Variants in PLEKHA7 observed in about 807,000 individuals in gnomAD.
The protein encoded by PLEKHA7 is pleckstrin homology domain-containing family A member 7.
Under a neutral mutation model 170.0 loss-of-function variants are expected in PLEKHA7, and 104 were observed. The observed-to-expected ratio is 0.61, with a 90% confidence interval of 0.52 to 0.72. The LOEUF is 0.72. PLEKHA7 is among the 30% of genes least tolerant of loss of function. The pLI is 0.00. For synonymous variants in PLEKHA7, 648 were observed against 660.8 expected (o/e 0.98, Z 0.30); for missense variants, 1,615 against 1,671.7 (o/e 0.97, Z 0.59).
At chr11:16,977,262 C>T (rs372795766) in intron 3 of PLEKHA7, among the ~76,000 whole-genome samples, 3 of 152,268 alleles carry the variant, frequency 2.0e-5, no homozygotes, top group South Asian at 2.1e-4. Context: ...CTCCTGGATC[C>T]AGTGCCCAAG....
At chr11:16,905,090 A>G (rs1419796429) in intron 3 of PLEKHA7, among the ~76,000 whole-genome samples, 1 of 152,096 alleles carries the variant, frequency 6.6e-6, no homozygotes, top group East Asian at 1.9e-4. Context: ...CATCTGTACC[A>G]AAAATACAAA....
At chr11:17,002,820 C>A (rs1345748673) in intron 3 of PLEKHA7, among the ~76,000 whole-genome samples, 1 of 151,766 alleles carries the variant, frequency 6.6e-6, no homozygotes, top group Non-Finnish European at 1.5e-5. Context: ...CCAGGGGCCA[C>A]TCCTAACTCA....
At chr11:16,959,367 T>G (rs980060691) in intron 3 of PLEKHA7, among the ~76,000 whole-genome samples, 10 of 152,160 alleles carry the variant, frequency 6.6e-5, no homozygotes, top group African/African-American at 2.4e-4. Context: ...TAAAAAAACA[T>G]GACAACTGGA....
At position 16,817,451 on chromosome 11, in the gene PLEKHA7, C is replaced by G. The variant is rs747748217; in HGVS notation, c.1344-129G>C. The G allele has an allele frequency of 9.9e-6, 9 of 904,532 alleles. No individual in the cohort carries two copies. The highest frequency in any genetic ancestry group is 1.7e-5 in the African/African-American group (1 of 60,080). The allele number at this position is 904,532 out of a possible 1,614,324, so 56.0% of individuals were successfully genotyped here. A position where few individuals can be genotyped will look rare whatever the true frequency, so the allele number is the denominator to read the frequency against. On this transcript the variant is annotated intron_variant, in intron 10 of 26. Coordinates refer to ENST00000531066, the MANE Select transcript of PLEKHA7 (RefSeq NM_001329630.2). The surrounding 1 kb of genome is among the most constrained non-coding windows in gnomAD (Gnocchi z 4.4). ...CCTGTAAGAACCTCAAAAGAATGAT[C>G]AAGGCCGACATCCAGGACTTCAGTC...
Position 16,855,916 on chromosome 11 carries a change from T to C in PLEKHA7, c.306-2A>G, listed in dbSNP as rs745880438. The stretch of plus-strand genomic sequence containing the variant: ...TGCTTCGACATATGTGGATTCGGCC[T>C]GTGAGGAGACAGGGGATTCCAGTGA... On this transcript the variant is annotated splice_acceptor_variant, in intron 4 of 26. Coordinates refer to ENST00000531066, the MANE Select transcript of PLEKHA7 (RefSeq NM_001329630.2). LOFTEE classifies it high-confidence loss of function. 1.2e-6 allele frequency: 2 copies of C among 1,610,482 alleles called. No individual in the cohort carries two copies. The highest frequency in any genetic ancestry group is 2.2e-5 in the East Asian group (1 of 44,864).
intron 3 of PLEKHA7, among the ~76,000 whole-genome samples, chr11:16,968,541 A>C (rs540334200): frequency 6.6e-6 from 1 of 152,328 alleles, no homozygotes; most frequent in South Asian, 2.1e-4. Context: ...GGTTCACCCC[A>C]TGCCACATCA....
intron 3 of PLEKHA7, among the ~76,000 whole-genome samples, chr11:17,012,913 A>T (rs1865400310): frequency 6.6e-6 from 1 of 152,220 alleles, no homozygotes; most frequent in African/African-American, 2.4e-5. Context: ...ATTATGCAAG[A>T]ACCCAAACCA....
intron 23 of PLEKHA7, 109 bp from the exon 24 acceptor site, chr11:16,786,496 T>C (rs1849405037): frequency 6.7e-6 from 10 of 1,497,174 alleles, no homozygotes; most frequent in Non-Finnish European, 8.9e-7. Context: ...GTGATCCCCT[T>C]AGGGAAAAGC....
chr11:16,933,824 C>A (rs1249517796), intron 3 of PLEKHA7, among the ~76,000 whole-genome samples: 1 of 152,168 alleles, frequency 6.6e-6, no homozygotes, highest in Non-Finnish European at 1.5e-5. Context: ...GCTCTCCCAG[C>A]TAGAGACCTT....
chr11:17,001,104 A>G (rs1864636166), intron 3 of PLEKHA7, among the ~76,000 whole-genome samples: 1 of 152,026 alleles, frequency 6.6e-6, no homozygotes, highest in African/African-American at 2.4e-5. Flanking sequence ...GCTCTGCTCC[A>G]TGGCTGCCTG....
At chr11:16,978,486 G>A (rs1863208167) in intron 3 of PLEKHA7, among the ~76,000 whole-genome samples, 1 of 152,186 alleles carries the variant, frequency 6.6e-6, no homozygotes, top group African/African-American at 2.4e-5. Flanking sequence ...GAGAATAATG[G>A]CAAAGTGGTA....
At position 16,995,334 on chromosome 11, in the gene PLEKHA7, T is replaced by C. The variant is rs117060292; in HGVS notation, c.221+18655A>G. Among the ~76,000 whole-genome samples, 554 of 152,292 alleles carry C rather than the reference T, an allele frequency of 3.6e-3. 4 individuals carry two copies. Among genetic ancestry groups the C allele is most frequent in the Non-Finnish European group, 5.7e-3 (389 of 68,028 alleles). On this transcript the variant is annotated intron_variant, in intron 3 of 26. Transcript: ENST00000531066. ...GTATCTACTGTGCCCAGGCCAGTGC[T>C]TGGCACACATCCAGTGCTCAGTGAA...
chr11:16,851,374 C>T, intron 7 of PLEKHA7, 83 bp from the exon 8 acceptor site: 1 of 962,710 alleles, frequency 1.0e-6, no homozygotes, highest in Middle Eastern at 3.4e-4. Flanking sequence ...GAACTTCAGC[C>T]AAGTTGTTTC....
At chr11:16,893,693 C>T (rs537260396) in intron 3 of PLEKHA7, among the ~76,000 whole-genome samples, 30 of 152,150 alleles carry the variant, frequency 2.0e-4, no homozygotes, top group Non-Finnish European at 3.7e-4. Context: ...TGCAGGTGTG[C>T]AGCATGGAAT....
intron 8 of PLEKHA7, among the ~76,000 whole-genome samples, chr11:16,846,660 AC>A (rs1852432852): frequency 6.6e-6 from 1 of 152,246 alleles, no homozygotes. Flanking sequence ...CACTTGAGCA[AC>A]CTAGGGAGGT....
chr11:16,967,521 A>G (rs1475018482), intron 3 of PLEKHA7, among the ~76,000 whole-genome samples: 1 of 152,226 alleles, frequency 6.6e-6, no homozygotes, highest in Non-Finnish European at 1.5e-5. Context: ...GCTCTGCTTA[A>G]TGCCATGAGG....
At chr11:16,797,344 G>C (rs1349677968) in intron 17 of PLEKHA7, among the ~76,000 whole-genome samples, 1 of 152,136 alleles carries the variant, frequency 6.6e-6, no homozygotes, top group Non-Finnish European at 1.5e-5. Flanking sequence ...CTCCTCTCGA[G>C]GCACCTAGCT....
chr11:16,934,962 C>T (rs1860186385), intron 3 of PLEKHA7, among the ~76,000 whole-genome samples: 1 of 152,150 alleles, frequency 6.6e-6, no homozygotes, highest in African/African-American at 2.4e-5. Context: ...ACAATAATTT[C>T]TGGGGAAAGT....
At chr11:16,798,921 CTAAA>C (rs896940851) in intron 17 of PLEKHA7, among the ~76,000 whole-genome samples, 1 of 152,136 alleles carries the variant, frequency 6.6e-6, no homozygotes, top group Non-Finnish European at 1.5e-5. Context: ...AGAGGAATGG[CTAAA>C]TAAAGTAGAA....
Sources: gnomAD v4.1 joint callset for allele counts (sites outside exome capture counted in the v4.1 genomes callset) on GRCh38, gnomAD v4.1.1 for gene constraint, Gnocchi (gnomAD v3.1) non-coding constraint, MANE v1.5 for transcripts, NCBI Gene and HGNC (gene_info 2026-07-23, HGNC 2026-07-21) for gene names.